The following ZNF106 variants were observed in gnomAD, a reference collection of about 807,000 sequenced individuals.
ZNF106 encodes the protein SH3-domain binding protein 3.
Under a neutral mutation model 195.1 loss-of-function variants are expected in ZNF106, and 67 were observed. The observed-to-expected ratio is 0.34, with a 90% CI of 0.28 to 0.42. The LOEUF is 0.42. Ranked by LOEUF, ZNF106 falls within the 10% of genes least tolerant of loss-of-function variation. ZNF106 has a pLI of 1.00. For missense variants in ZNF106, 2,118 were observed against 2,304.5 expected, an observed-to-expected ratio of 0.92 and a Z score of 1.66; for synonymous variants, 784 against 818.6, an observed-to-expected ratio of 0.96 and a Z score of 0.72.
intron 1 of ZNF106, among the ~76,000 whole-genome samples, chr15:42,488,525 T>C (rs1236871139): frequency 6.6e-6 from 1 of 152,108 alleles, no homozygotes; most frequent in African/African-American, 2.4e-5. Context: ...AGCATTCATA[T>C]GTAACTTGTC....
At chr15:42,458,491 T>G (rs532318498) in intron 3 of ZNF106, among the ~76,000 whole-genome samples, 1 of 151,202 alleles carries the variant, frequency 6.6e-6, no homozygotes, top group African/African-American at 2.4e-5. Flanking sequence ...GGGCAGATCA[T>G]GAGGTCAGCA....
At chr15:42,465,699 C>T (rs1010015990) in intron 3 of ZNF106, among the ~76,000 whole-genome samples, 1 of 152,136 alleles carries the variant, frequency 6.6e-6, no homozygotes, top group Non-Finnish European at 1.5e-5. Context: ...TTATGGCATG[C>T]AATAATTTGT....
intron 1 of ZNF106, among the ~76,000 whole-genome samples, chr15:42,482,527 T>G (rs1339829058): frequency 7.3e-6 from 1 of 136,066 alleles, no homozygotes; most frequent in African/African-American, 2.9e-5. Context: ...CTCCAGTTTT[T>G]TTTTTTTTTT....
At chr15:42,424,594 T>C (rs927454503) in intron 16 of ZNF106, 13 of 430,326 alleles carry the variant, frequency 3.0e-5, no homozygotes, top group African/African-American at 2.2e-4. Flanking sequence ...CAAGTGATTC[T>C]CCCACCTCAG....
chr15:42,430,563 T>G (rs1394839831), intron 14 of ZNF106, among the ~76,000 whole-genome samples: 2 of 151,866 alleles, frequency 1.3e-5, no homozygotes, highest in Admixed American at 6.6e-5. Flanking sequence ...TTTAAATTTT[T>G]TTGGAGAGAT....
rs1255036387 is a variant in ZNF106 at position 42,472,350 on chromosome 15, C to T, written c.-32-29G>A. 6.0e-6 allele frequency: 9 copies of T among 1,488,670 alleles called. No individual in the cohort carries two copies. In the African/African-American group the frequency reaches 1.1e-4, roughly 18 times the overall value. The allele number at this position is 1,488,670 out of a possible 1,614,324, so 92.2% of individuals were successfully genotyped here. Reference sequence around the variant, plus strand: ...CAATGAGGAAGTAACATTTAGTAACCTTTTCTCCTCAGTACCTTCTTACAT... The same window carrying T: ...CAATGAGGAAGTAACATTTAGTAACTTTTTCTCCTCAGTACCTTCTTACAT... On this transcript the variant is annotated intron_variant, in intron 1 of 21. Coordinates refer to ENST00000564754, the MANE Select transcript of ZNF106 (RefSeq NM_001366845.3).
In ZNF106 at chr15:42,457,636, G is replaced by C; in HGVS notation, c.117-478C>G. On this transcript the variant is annotated intron_variant, in intron 3 of 21. Transcript: ENST00000564754. ...GAGTAGGTGGCGCAGCCAATCCCAA[G>C]TCGGTAACTAAATCGGAACAGCTGG... The C allele has an allele frequency of 4.4e-6, 3 of 689,092 alleles. 1 individual carries two copies. The highest frequency in any genetic ancestry group is 1.8e-6 in the Non-Finnish European group (1 of 554,716). 42.7% of individuals were successfully genotyped at this position (689,092 alleles called of 1,614,324 possible). A position where few individuals can be genotyped will look rare whatever the true frequency, so the allele number is the denominator to read the frequency against.
chr15:42,419,355 T>C (rs1470863649), intron 20 of ZNF106, among the ~76,000 whole-genome samples: 2 of 151,356 alleles, frequency 1.3e-5, no homozygotes, highest in African/African-American at 2.4e-5. Context: ...CGAGACTCTG[T>C]CTCAGAAAAA....
intron 10 of ZNF106, chr15:42,441,732 T>C (rs2055543211): frequency 5.5e-6 from 1 of 180,910 alleles, no homozygotes; most frequent in Non-Finnish European, 1.2e-5. Context: ...ATTCAGAGGA[T>C]AGACCTTATT....
rs1315389407 is a variant in ZNF106, at chr15:42,414,983, C to G, written c.*2321G>C. On this transcript the variant is annotated 3_prime_UTR_variant, in exon 22 of 22. Transcript: ENST00000564754. ...TTTAATACACCTTTTGCAACAAGAT[C>G]TTCTCTGTTCTCCATTAAGCATCAT... 2 of 152,234 alleles carry G rather than the reference C, an allele frequency of 1.3e-5. No homozygotes were observed. The highest frequency in any genetic ancestry group is 2.4e-5 in the African/African-American group (1 of 41,410). The allele number at this position is 152,234 out of a possible 1,614,324, so 9.4% of individuals were successfully genotyped here. A position where few individuals can be genotyped will look rare whatever the true frequency, so the allele number is the denominator to read the frequency against.
chr15:42,443,431 G>C (rs2055630856), intron 9 of ZNF106, among the ~76,000 whole-genome samples: 3 of 151,358 alleles, frequency 2.0e-5, no homozygotes, highest in South Asian at 4.2e-4. Flanking sequence ...CAGGAGTTTG[G>C]GACTATCCTG....
intron 5 of ZNF106, 136 bp from the exon 6 acceptor site, chr15:42,448,841 A>G (rs1478853480): frequency 5.2e-6 from 4 of 776,656 alleles, no homozygotes; most frequent in African/African-American, 1.8e-5. Flanking sequence ...AGGGGCTCAC[A>G]GTCTAGTCAG....
Position 42,455,836 on chromosome 15 carries a change from G to A in ZNF106, c.317+1122C>T, listed in dbSNP as rs562070682. 2.6e-5 allele frequency among the ~76,000 whole-genome samples: 4 copies of A among 151,960 alleles called. No homozygotes were observed. In the East Asian group the frequency reaches 7.7e-4, roughly 29 times the overall value. Reference sequence around the variant, plus strand: ...TGAAATGATTCTCTTCATGTTCTGGGACTTAAAAAATTATCCCACCTCATA... The same window carrying A: ...TGAAATGATTCTCTTCATGTTCTGGAACTTAAAAAATTATCCCACCTCATA... On this transcript the variant is annotated intron_variant, in intron 4 of 21. Coordinates refer to ENST00000564754, the MANE Select transcript of ZNF106 (RefSeq NM_001366845.3).
intron 3 of ZNF106, among the ~76,000 whole-genome samples, chr15:42,461,723 C>G (rs1272860386): frequency 6.6e-6 from 1 of 152,102 alleles, no homozygotes; most frequent in African/African-American, 2.4e-5. Flanking sequence ...CAGATCACAA[C>G]CAAAAACTGT....
chr15:42,435,218 T>A (rs929384399), intron 14 of ZNF106, among the ~76,000 whole-genome samples, 166 bp downstream of exon 14: 2 of 152,202 alleles, frequency 1.3e-5, no homozygotes, highest in African/African-American at 4.8e-5. Context: ...GGTTTATGTG[T>A]AAGTCTCATA....
intron 19 of ZNF106, 116 bp from the exon 20 acceptor site, chr15:42,421,248 A>C: frequency 1.1e-6 from 1 of 895,564 alleles, no homozygotes; most frequent in Non-Finnish European, 1.8e-6. Flanking sequence ...CACCTAAATC[A>C]AAACCAGCTC....
In ZNF106 at chr15:42,444,226, T is replaced by C; in HGVS notation, c.3397A>G (p.Ile1133Val). ...MEMSALRTHR[I>V]QILQGLQETY... ...CCTTGTAATCCCTGTAGAATCTGTA[T>C]TCTATGGGTCCTCAGTGCACTCATC... Residue 1133 changes from isoleucine to valine, a missense_variant, in exon 9 of 22, where the codon ATA (isoleucine) becomes GTA (valine). Coordinates refer to ENST00000564754, the MANE Select transcript of ZNF106 (RefSeq NM_001366845.3). The C allele has an allele frequency of 6.2e-7, 1 of 1,611,266 alleles. No homozygotes were observed. Among genetic ancestry groups the C allele is most frequent in the South Asian group, 1.1e-5 (1 of 90,942 alleles).
At position 42,444,357 on chromosome 15, in the gene ZNF106, G is replaced by T. The variant is rs995684900; in HGVS notation, c.3361-95C>A. The T allele has an allele frequency of 1.8e-5, 17 of 964,346 alleles. No homozygotes were observed. In the East Asian group the frequency reaches 1.8e-4, roughly 10 times the overall value. The allele number at this position is 964,346 out of a possible 1,614,324, so 59.7% of individuals were successfully genotyped here. A position where few individuals can be genotyped will look rare whatever the true frequency, so the allele number is the denominator to read the frequency against. On this transcript the variant is annotated intron_variant, in intron 8 of 21. Coordinates refer to ENST00000564754, the MANE Select transcript of ZNF106 (RefSeq NM_001366845.3). The stretch of plus-strand genomic sequence containing the variant: ...TCTTCTATGTCCTGACCAAAAATCA[G>T]AGTGTCTTGACTGCTCTGTGACCCA...
chr15:42,417,749 C>A (rs2054509461), intron 21 of ZNF106, 56 bp downstream of exon 21: 1 of 1,540,136 alleles, frequency 6.5e-7, no homozygotes, highest in African/African-American at 1.4e-5. Flanking sequence ...GTTTGCTAGC[C>A]CCTGCTCTGA....
Sources: gnomAD v4.1 joint callset for allele counts (sites outside exome capture counted in the v4.1 genomes callset) on GRCh38, gnomAD v4.1.1 for gene constraint, MANE v1.5 for transcripts, NCBI Gene and HGNC (gene_info 2026-07-23, HGNC 2026-07-21) for gene names.